The following EML4 variants were observed in gnomAD, a reference collection of about 807,000 sequenced individuals.
The protein encoded by EML4 is echinoderm microtubule-associated protein-like 4.
A neutral mutation model predicts 129.0 loss-of-function variants in EML4; 72 were observed. The ratio of observed to expected loss-of-function variants is 0.56; its 90% CI spans 0.46 to 0.68. The LOEUF (loss-of-function observed/expected upper bound fraction) is 0.68, where lower values mean the gene tolerates loss of function less well. Ranked by LOEUF, EML4 falls within the 30% of genes least tolerant of loss-of-function variation. EML4 has a pLI of 0.00. For missense variants in EML4, 1,363 were observed against 1,190.6 expected (o/e 1.14, Z -2.13); for synonymous variants, 532 against 405.0 (o/e 1.31, Z -3.77).
At chr2:42,277,322 A>G (rs1369704667) in intron 6 of EML4, among the ~76,000 whole-genome samples, 2 of 152,224 alleles carry the variant, frequency 1.3e-5, no homozygotes, top group Non-Finnish European at 2.9e-5. Context: ...GGAAATACAG[A>G]TCAGGATGAC....
intron 17 of EML4, among the ~76,000 whole-genome samples, chr2:42,313,191 C>T (rs947840570): frequency 3.3e-5 from 5 of 151,588 alleles, no homozygotes; most frequent in Admixed American, 2.6e-4. Flanking sequence ...CTCCTGACCT[C>T]GTGATCCGCC....
At chr2:42,187,717 T>C (rs1018960739) in intron 1 of EML4, among the ~76,000 whole-genome samples, 2 of 152,186 alleles carry the variant, frequency 1.3e-5, no homozygotes, top group Non-Finnish European at 2.9e-5. Context: ...GTATTTTATA[T>C]GCTTTGGGTA....
intron 1 of EML4, among the ~76,000 whole-genome samples, chr2:42,192,884 C>A (rs1399621632): frequency 1.3e-5 from 2 of 152,028 alleles, no homozygotes; most frequent in Admixed American, 6.6e-5. Context: ...CTGCAGAAAG[C>A]ATTTAGGGTT....
intron 6 of EML4, 65 bp from the exon 7 acceptor site, chr2:42,280,785 A>G: frequency 7.9e-7 from 1 of 1,269,498 alleles, no homozygotes; most frequent in Non-Finnish European, 1.1e-6. Flanking sequence ...TCACGTTAAT[A>G]ATCCACTTTT....
Position 42,261,221 on chromosome 2 carries a change from C to T in EML4, c.439C>T (p.Pro147Ser). ...TCCACAAATTCGAGCATCACCTTCT[C>T]CCCAGCCCTCTTCACAACCTCTCCA... is the stretch of plus-strand genomic sequence containing the variant. ...QSPQIRASPS[P>S]QPSSQPLQIH... Residue 147 changes from proline (P) to serine (S), a missense_variant, in exon 4 of 23, where the codon CCC (proline) becomes TCC (serine). Transcript: ENST00000318522. The T allele has an allele frequency of 6.2e-7, 1 of 1,614,038 alleles. No individual in the cohort carries two copies. The highest frequency in any genetic ancestry group is 8.5e-7 in the Non-Finnish European group (1 of 1,179,970).
chr2:42,292,215 T>C (rs1667689040), intron 11 of EML4, among the ~76,000 whole-genome samples: 1 of 152,336 alleles, frequency 6.6e-6, no homozygotes, highest in East Asian at 1.9e-4. Flanking sequence ...AGGAACAATT[T>C]AGTGAATTTC....
At chr2:42,245,473 A>T in intron 1 of EML4, 32 bp from the exon 2 acceptor site, 1 of 1,512,278 alleles carries the variant, frequency 6.6e-7, no homozygotes, top group South Asian at 1.2e-5. Flanking sequence ...CAGTTTACTT[A>T]AAAATATTCC....
intron 14 of EML4, among the ~76,000 whole-genome samples, chr2:42,302,075 A>T (rs1668314983): frequency 6.6e-6 from 1 of 152,120 alleles, no homozygotes. Context: ...ATTATTATTA[A>T]ATGTATTAAC....
At chr2:42,246,184 A>T (rs138641273) in intron 2 of EML4, among the ~76,000 whole-genome samples, 2 of 152,302 alleles carry the variant, frequency 1.3e-5, no homozygotes, top group Non-Finnish European at 2.9e-5. Flanking sequence ...GGGACTTCTA[A>T]CTTTCCAGTA....
chr2:42,325,602 TTATATATATATATATATATATATATA>T lies in EML4; in HGVS notation c.2242+60_2242+85del, dbSNP rs10530482. On this transcript the variant is annotated intron_variant, in intron 20 of 22. Transcript: ENST00000318522. ...ATATATATATATGCTATGATTATATTTATATATATATATATATATATATATATATATATATATGCTAAGATGTGTCT... is the reference window on the plus strand; with the variant it reads ...ATATATATATATGCTATGATTATATTTATATATATATGCTAAGATGTGTCT... 3.2e-4 allele frequency: 41 copies of T among 129,320 alleles called. 5 individuals carry two copies. In the Middle Eastern group the frequency reaches 8.2e-3, roughly 26 times the overall value. The allele number at this position is 129,320 out of a possible 1,614,324, so 8.0% of individuals were successfully genotyped here.
intron 3 of EML4, 133 bp downstream of exon 3, chr2:42,256,763 T>C: frequency 8.8e-7 from 1 of 1,140,458 alleles, no homozygotes; most frequent in Non-Finnish European, 1.2e-6. Context: ...TCTTAAACTG[T>C]GAAAGTAGAG....
intron 6 of EML4, among the ~76,000 whole-genome samples, chr2:42,277,908 A>G (rs1183938377): frequency 1.3e-5 from 2 of 152,248 alleles, no homozygotes; most frequent in Non-Finnish European, 2.9e-5. Flanking sequence ...ACTTGCAGAC[A>G]TTCAAGAAGT....
intron 13 of EML4, 49 bp from the exon 14 acceptor site, chr2:42,301,192 T>C (rs1668266440): frequency 7.2e-6 from 11 of 1,535,286 alleles, no homozygotes; most frequent in Non-Finnish European, 9.8e-6. Flanking sequence ...GACACTAAAA[T>C]CTGAAGAAAA....
At chr2:42,221,144 G>A (rs1329130899) in intron 1 of EML4, among the ~76,000 whole-genome samples, 1 of 152,086 alleles carries the variant, frequency 6.6e-6, no homozygotes, top group Non-Finnish European at 1.5e-5. Context: ...GATTATCAGT[G>A]TAGACAACAC....
chr2:42,258,374 T>A, intron 3 of EML4, among the ~76,000 whole-genome samples: 1 of 148,104 alleles, frequency 6.8e-6, no homozygotes, highest in East Asian at 2.0e-4. Flanking sequence ...TAATTGTATT[T>A]CTTTTTTTAT....
At chr2:42,220,279 A>G (rs1673501135) in intron 1 of EML4, among the ~76,000 whole-genome samples, 1 of 149,704 alleles carries the variant, frequency 6.7e-6, no homozygotes, top group Non-Finnish European at 1.5e-5. Context: ...GTTTTTGGCA[A>G]CCCTGCATTG....
Position 42,315,847 on chromosome 2 carries a change from A to G in EML4, c.1968-115A>G, listed in dbSNP as rs1490742018. 5.6e-6 allele frequency: 4 copies of G among 710,280 alleles called. No homozygotes were observed. In the African/African-American group the frequency reaches 7.2e-5, roughly 13 times the overall value. The allele number at this position is 710,280 out of a possible 1,614,324, so 44.0% of individuals were successfully genotyped here. ...GTGGTGAGCTAGGATCACTCCATGC[A>G]CACCAGCGTTATGACAAAGCAAGAC... On this transcript the variant is annotated intron_variant, in intron 17 of 22. Transcript: ENST00000318522.
intron 3 of EML4, among the ~76,000 whole-genome samples, chr2:42,259,452 A>C (rs1558549034): frequency 6.6e-6 from 1 of 152,150 alleles, no homozygotes; most frequent in Non-Finnish European, 1.5e-5. Flanking sequence ...AATCAAAAGA[A>C]TTTATACTTA....
intron 1 of EML4, among the ~76,000 whole-genome samples, chr2:42,198,798 T>G (rs565749898): frequency 6.6e-6 from 1 of 152,194 alleles, no homozygotes; most frequent in Admixed American, 6.5e-5. Flanking sequence ...TGACCATGGG[T>G]TTTTGTGGTG....
Sources: allele counts gnomAD v4.1 joint callset (sites outside exome capture counted in the v4.1 genomes callset), GRCh38; gene constraint gnomAD v4.1.1; transcripts MANE v1.5; gene names NCBI Gene and HGNC (gene_info 2026-07-23, HGNC 2026-07-21).